TUSC3: variants seen among roughly 807,000 people sequenced by gnomAD.
TUSC3 encodes the protein dolichyl-diphosphooligosaccharide--protein glycosyltransferase subunit TUSC3.
A neutral mutation model predicts 44.8 loss-of-function variants in TUSC3; 45 were observed. The ratio of observed to expected loss-of-function variants is 1.00; its 90% CI spans 0.79 to 1.29. TUSC3 has a LOEUF of 1.29. TUSC3 is among the 50% of genes most tolerant of loss of function. The pLI, the probability that TUSC3 is intolerant of heterozygous loss-of-function variation, is 0.00. For synonymous variants in TUSC3, 212 were observed against 152.9 expected (o/e 1.39, Z -2.85); for missense variants, 519 against 437.9 (o/e 1.19, Z -1.65).
At chr8:15,790,730 C>A in the TUSC3 span, among the ~76,000 whole-genome samples, 1 of 152,064 alleles carries the variant, frequency 6.6e-6, no homozygotes, top group Non-Finnish European at 1.5e-5. Flanking sequence ...CAGGAAAGCA[C>A]ACAAATGATA....
chr8:15,747,754 G>A (rs972694509), intron 8 of TUSC3, among the ~76,000 whole-genome samples: 1 of 151,992 alleles, frequency 6.6e-6, no homozygotes, highest in Non-Finnish European at 1.5e-5. Flanking sequence ...CAGTTTCTTT[G>A]TAAGACAAAC....
At chr8:15,801,979 T>G in the TUSC3 span, among the ~76,000 whole-genome samples, 9 of 152,304 alleles carry the variant, frequency 5.9e-5, no homozygotes, top group African/African-American at 1.9e-4. Context: ...ATCAGGTCCT[T>G]TGGGACCTTC....
intron 1 of TUSC3, among the ~76,000 whole-genome samples, chr8:15,444,202 T>A (rs1333189623): frequency 6.6e-6 from 1 of 152,180 alleles, no homozygotes; most frequent in Non-Finnish European, 1.5e-5. Context: ...CTTTGCTTCA[T>A]GAAATAGACT....
chr8:15,776,228 C>T, the TUSC3 span, among the ~76,000 whole-genome samples: 2 of 152,022 alleles, frequency 1.3e-5, no homozygotes, highest in African/African-American at 4.8e-5. Context: ...TACGTGGGGC[C>T]TCAGTTTTAC....
chr8:15,445,740 C>G (rs913120782), intron 1 of TUSC3, among the ~76,000 whole-genome samples: 3 of 152,358 alleles, frequency 2.0e-5, no homozygotes, highest in Middle Eastern at 6.8e-3. Flanking sequence ...CAGTAACAAT[C>G]TGATCTCTGT....
chr8:15,658,271 C>A (rs1807261253), intron 3 of TUSC3, among the ~76,000 whole-genome samples: 1 of 152,048 alleles, frequency 6.6e-6, no homozygotes, highest in Admixed American at 6.6e-5. Flanking sequence ...AGAGCCATTT[C>A]TTTTGGGTAT....
intron 6 of TUSC3, among the ~76,000 whole-genome samples, chr8:15,703,406 G>C (rs1432033930): frequency 6.6e-6 from 1 of 152,050 alleles, no homozygotes; most frequent in African/African-American, 2.4e-5. Flanking sequence ...AGTTGAGTTG[G>C]AGAATTTGAA....
chr8:15,662,104 A>T, intron 4 of TUSC3, 52 bp from the exon 5 acceptor site: 3 of 1,593,814 alleles, frequency 1.9e-6, no homozygotes, highest in Non-Finnish European at 2.6e-6. Flanking sequence ...TATGATCAAA[A>T]GAAAAATTTT....
the TUSC3 span, among the ~76,000 whole-genome samples, chr8:15,777,680 C>T: frequency 6.6e-6 from 1 of 152,050 alleles, no homozygotes; most frequent in South Asian, 2.1e-4. Flanking sequence ...CAAGTATACA[C>T]TTTATAAATG....
intron 2 of TUSC3, among the ~76,000 whole-genome samples, chr8:15,626,254 A>C (rs997769947): frequency 1.3e-5 from 2 of 152,148 alleles, no homozygotes; most frequent in Admixed American, 6.5e-5. Flanking sequence ...TACGGGGAAT[A>C]GGGAGAAGCC....
the TUSC3 span, among the ~76,000 whole-genome samples, chr8:15,828,981 A>G: frequency 2.6e-5 from 4 of 152,190 alleles, no homozygotes; most frequent in Non-Finnish European, 5.9e-5. Flanking sequence ...CATGAATTGG[A>G]AAAAGTATCC....
At chr8:15,576,443 A>C in intron 1 of TUSC3, among the ~76,000 whole-genome samples, 1 of 137,202 alleles carries the variant, frequency 7.3e-6, no homozygotes, top group East Asian at 2.2e-4. Context: ...TATATCTCCC[A>C]ATGCTATCCC....
intron 2 of TUSC3, among the ~76,000 whole-genome samples, chr8:15,649,053 A>G (rs1806765806): frequency 6.6e-6 from 1 of 152,200 alleles, no homozygotes; most frequent in Non-Finnish European, 1.5e-5. Context: ...CAGATCCTGC[A>G]CAGTTCTTGA....
chr8:15,821,401 G>T, the TUSC3 span, among the ~76,000 whole-genome samples: 1 of 128,680 alleles, frequency 7.8e-6, no homozygotes, highest in Non-Finnish European at 1.6e-5. Flanking sequence ...CCTGTTTGTG[G>T]TTTGCTGATG....
chr8:15,653,737 T>A (rs1460414815), intron 3 of TUSC3, among the ~76,000 whole-genome samples: 1 of 152,210 alleles, frequency 6.6e-6, no homozygotes, highest in East Asian at 1.9e-4. Context: ...AGTATATGTT[T>A]TGCTTCACTT....
At chr8:15,653,369 TA>T (rs1563155501) in intron 3 of TUSC3, among the ~76,000 whole-genome samples, 1 of 152,342 alleles carries the variant, frequency 6.6e-6, no homozygotes, top group Middle Eastern at 3.4e-3. Flanking sequence ...AGTTAATTCA[TA>T]TTTTTTTTTA....
chr8:15,601,463 C>G (rs1249618285), intron 1 of TUSC3, among the ~76,000 whole-genome samples: 1 of 151,672 alleles, frequency 6.6e-6, no homozygotes, highest in Admixed American at 6.6e-5. Flanking sequence ...GTGGCAAAGG[C>G]TGGCAACCCA....
intron 1 of TUSC3, among the ~76,000 whole-genome samples, chr8:15,549,951 C>T (rs979397906): frequency 1.3e-4 from 19 of 151,578 alleles, no homozygotes; most frequent in East Asian, 9.7e-4. Flanking sequence ...CCGAGCTCCC[C>T]GAGTGGGCAA....
chr8:15,422,099 CCA>C (rs1799745298), intron 1 of TUSC3, among the ~76,000 whole-genome samples: 1 of 152,080 alleles, frequency 6.6e-6, no homozygotes, highest in African/African-American at 2.4e-5. Context: ...TCTTATACCC[CCA>C]CTCTGCCCAA....
Sources: gnomAD v4.1 joint callset for allele counts (sites outside exome capture counted in the v4.1 genomes callset) on GRCh38, gnomAD v4.1.1 for gene constraint, MANE v1.5 for transcripts, NCBI Gene and HGNC (gene_info 2026-07-23, HGNC 2026-07-21) for gene names.